Variants in FSTL4 observed in about 807,000 individuals in gnomAD.
FSTL4 encodes the protein follistatin like 4, also known as follistatin-related protein 4.
In FSTL4, 28 loss-of-function variants were observed where a neutral mutation model predicts 78.2. The ratio of observed to expected loss-of-function variants is 0.36; its 90% CI spans 0.27 to 0.49. The LOEUF (loss-of-function observed/expected upper bound fraction) is 0.49, where lower values mean the gene tolerates loss of function less well. Ranked by LOEUF, FSTL4 falls within the 20% of genes least tolerant of loss-of-function variation. The pLI is 0.98. For synonymous variants in FSTL4, 422 were observed against 440.5 expected (o/e 0.96, Z 0.53); for missense variants, 922 against 1,084.9 (o/e 0.85, Z 2.11).
the FSTL4 span, among the ~76,000 whole-genome samples, chr5:133,661,991 A>G: frequency 6.6e-6 from 1 of 152,240 alleles, no homozygotes; most frequent in Non-Finnish European, 1.5e-5. Context: ...TTAAAAAACA[A>G]TTTTATTACC....
intron 4 of FSTL4, among the ~76,000 whole-genome samples, chr5:133,394,857 G>A (rs776750223): frequency 1.3e-5 from 2 of 152,224 alleles, no homozygotes; most frequent in Non-Finnish European, 2.9e-5. Flanking sequence ...CTAGCTAAGG[G>A]ATTGTAGATA....
At chr5:133,471,937 T>A (rs1304321017) in intron 3 of FSTL4, among the ~76,000 whole-genome samples, 3 of 152,200 alleles carry the variant, frequency 2.0e-5, no homozygotes, top group Non-Finnish European at 4.4e-5. Flanking sequence ...GTGAGTAGAA[T>A]GATACGTCAC....
intron 13 of FSTL4, among the ~76,000 whole-genome samples, chr5:133,211,328 TC>T (rs1348126838): frequency 6.6e-6 from 1 of 152,184 alleles, no homozygotes; most frequent in Non-Finnish European, 1.5e-5. Context: ...ATTCTAGTCC[TC>T]CCTTTGCTGT....
Position 133,316,613 on chromosome 5 carries a change from T to C in FSTL4, c.449A>G (p.Asn150Ser). 2 of 1,614,044 alleles carry C rather than the reference T, an allele frequency of 1.2e-6. No homozygotes were observed. Among genetic ancestry groups the C allele is most frequent in the East Asian group, 2.2e-5 (1 of 44,868 alleles). ...ACGGGTCTGGAGTGCCAGAAGGACA[T>C]TCTTCAAGCGGGCGTAGCCGGCCAT... ...CTMAGYARLK[N>S]VLLALQTRLQ... Residue 150 changes from asparagine to serine, a missense_variant, in exon 5 of 16, where the codon AAT becomes AGT. Physicochemically the swap from Asn to Ser is conservative, Grantham distance 46. Coordinates refer to ENST00000265342, the MANE Select transcript of FSTL4 (RefSeq NM_015082.2).
At chr5:133,258,358 G>C (rs1450470541) in intron 6 of FSTL4, among the ~76,000 whole-genome samples, 3 of 152,226 alleles carry the variant, frequency 2.0e-5, no homozygotes, top group African/African-American at 7.2e-5. Context: ...AGACTGAGTA[G>C]AGAAGATTGC....
At position 133,564,539 on chromosome 5, in the gene FSTL4, G is replaced by C. The variant is rs542963580; in HGVS notation, c.160+2647C>G. Among the ~76,000 whole-genome samples, 41 of 152,328 alleles carry C rather than the reference G, an allele frequency of 2.7e-4. 1 individual carries two copies. The highest frequency in any genetic ancestry group is 9.1e-4 in the African/African-American group (38 of 41,572). ...TTGATTAACTACTGGCCCTGGGCTA[G>C]AGCTGTGAGGAATGTGGGGATGAAG... On this transcript the variant is annotated intron_variant, in intron 3 of 15. Coordinates refer to ENST00000265342, the MANE Select transcript of FSTL4 (RefSeq NM_015082.2).
chr5:133,657,266 A>G, the FSTL4 span, among the ~76,000 whole-genome samples: 3 of 152,194 alleles, frequency 2.0e-5, no homozygotes, highest in African/African-American at 7.2e-5. Context: ...TGAGTGGCAC[A>G]TAGTTTGCAA....
At chr5:133,579,610 T>G (rs949815289) in intron 2 of FSTL4, among the ~76,000 whole-genome samples, 1 of 152,180 alleles carries the variant, frequency 6.6e-6, no homozygotes, top group African/African-American at 2.4e-5. Context: ...ATGTTTAAAT[T>G]ATTTATTACA....
the FSTL4 span, among the ~76,000 whole-genome samples, chr5:133,620,794 A>C: frequency 1.3e-5 from 2 of 152,142 alleles, no homozygotes; most frequent in South Asian, 2.1e-4. Flanking sequence ...AAATGGAAAA[A>C]ACTGTGGTGA....
At chr5:133,638,468 C>G in the FSTL4 span, among the ~76,000 whole-genome samples, 1 of 152,180 alleles carries the variant, frequency 6.6e-6, no homozygotes, top group Non-Finnish European at 1.5e-5. Flanking sequence ...ACTTCTCTCC[C>G]TCTGCTGCAG....
chr5:133,794,784 G>A, the FSTL4 span, among the ~76,000 whole-genome samples: 1 of 152,098 alleles, frequency 6.6e-6, no homozygotes, highest in Non-Finnish European at 1.5e-5. Context: ...CCACAACCAT[G>A]TCCTCCCAGA....
chr5:133,292,555 CAA>C (rs35459497), intron 6 of FSTL4, among the ~76,000 whole-genome samples: 10 of 145,462 alleles, frequency 6.9e-5, no homozygotes, highest in Admixed American at 6.8e-5. Context: ...ACCTGTGAAT[CAA>C]AAAAAAAAAA....
the FSTL4 span, among the ~76,000 whole-genome samples, chr5:133,803,164 G>A: frequency 1.3e-5 from 2 of 152,172 alleles, no homozygotes; most frequent in Admixed American, 6.5e-5. Context: ...ACCCCTGAAT[G>A]TCTCACTTTG....
chr5:133,522,851 A>G (rs1759007559), intron 3 of FSTL4, among the ~76,000 whole-genome samples: 1 of 152,172 alleles, frequency 6.6e-6, no homozygotes, highest in Admixed American at 6.5e-5. Context: ...ACATATTTCA[A>G]TGTTTTCTAG....
the FSTL4 span, among the ~76,000 whole-genome samples, chr5:133,772,004 T>C: frequency 6.6e-6 from 1 of 152,312 alleles, no homozygotes; most frequent in Admixed American, 6.5e-5. Context: ...TCAGAAAGCA[T>C]AGAAACACTG....
At chr5:133,704,654 C>T in the FSTL4 span, among the ~76,000 whole-genome samples, 1 of 152,252 alleles carries the variant, frequency 6.6e-6, no homozygotes, top group Non-Finnish European at 1.5e-5. Flanking sequence ...GATTCTCTTC[C>T]TCTGTGAGGC....
chr5:133,481,357 A>G (rs1758023674), intron 3 of FSTL4, among the ~76,000 whole-genome samples: 1 of 152,080 alleles, frequency 6.6e-6, no homozygotes, highest in Non-Finnish European at 1.5e-5. Flanking sequence ...CCTGGCCAAC[A>G]TGGCAAAACA....
the FSTL4 span, among the ~76,000 whole-genome samples, chr5:133,779,638 C>G: frequency 6.6e-6 from 1 of 152,166 alleles, no homozygotes; most frequent in Non-Finnish European, 1.5e-5. Flanking sequence ...TGATGTAACT[C>G]TTCTGCCTAA....
At chr5:133,298,916 C>T (rs922305151) in intron 6 of FSTL4, among the ~76,000 whole-genome samples, 3 of 152,366 alleles carry the variant, frequency 2.0e-5, no homozygotes, top group Middle Eastern at 3.4e-3. Context: ...GTGGTTGTGC[C>T]ATTGTAAGGA....
Sources: allele counts gnomAD v4.1 joint callset (sites outside exome capture counted in the v4.1 genomes callset), GRCh38; gene constraint gnomAD v4.1.1; transcripts MANE v1.5; gene names NCBI Gene and HGNC (gene_info 2026-07-23, HGNC 2026-07-21).